Variants in PAN3 observed in about 807,000 individuals in gnomAD.
PAN3 encodes poly(A) specific ribonuclease subunit PAN3, also known as PAN2-PAN3 deadenylation complex subunit PAN3.
A neutral mutation model predicts 96.2 loss-of-function variants in PAN3; 19 were observed. The ratio of observed to expected loss-of-function variants is 0.20; its 90% CI spans 0.14 to 0.29. The LOEUF (loss-of-function observed/expected upper bound fraction) is 0.29, where lower values mean the gene tolerates loss of function less well. Among genes scored for constraint, PAN3 ranks in the 10% least tolerant of loss-of-function variants. The pLI is 1.00. For missense variants in PAN3, 882 were observed against 1,108.1 expected, an observed-to-expected ratio of 0.80 and a Z score of 2.90; for synonymous variants, 433 against 406.6, an observed-to-expected ratio of 1.06 and a Z score of -0.78.
At chr13:28,196,043 A>G (rs544058460) in intron 4 of PAN3, among the ~76,000 whole-genome samples, 1 of 147,080 alleles carries the variant, frequency 6.8e-6, no homozygotes, top group Admixed American at 6.8e-5. Context: ...TTTTTTTAAT[A>G]GAGACAGGGT....
At chr13:28,143,885 C>G (rs368680860) in intron 1 of PAN3, among the ~76,000 whole-genome samples, 4 of 152,268 alleles carry the variant, frequency 2.6e-5, no homozygotes, top group African/African-American at 9.6e-5. Context: ...TGTGGCAAAG[C>G]TGTTTTTGTT....
At position 28,266,822 on chromosome 13, in the gene PAN3, T is replaced by C; in HGVS notation, c.1519T>C (p.Tyr507His). ...TAATTTTGGATATATTACATCTTGC[T>C]ACAAAGCTGTAAACAGCAAAGATGA... ...SSNFGYITSCYKAVNSKDDLP... is the reference protein window; with the variant it reads ...SSNFGYITSCHKAVNSKDDLP... Residue 507 changes from tyrosine (Y) to histidine (H), a missense_variant, in exon 10 of 19, where the codon TAC becomes CAC. Coordinates refer to ENST00000380958, the MANE Select transcript of PAN3 (RefSeq NM_175854.8). The C allele has an allele frequency of 1.2e-6, 2 of 1,611,384 alleles. No homozygotes were observed. Among genetic ancestry groups the C allele is most frequent in the Non-Finnish European group, 1.7e-6 (2 of 1,178,868 alleles).
At chr13:28,250,887 A>G (rs1034434005) in intron 6 of PAN3, among the ~76,000 whole-genome samples, 3 of 152,032 alleles carry the variant, frequency 2.0e-5, no homozygotes, top group Admixed American at 6.5e-5. Flanking sequence ...TTTTTTTCGA[A>G]TGTTGCTTCT....
rs1378297134 is a variant in PAN3, at chr13:28,267,092, C to T, written c.1574-3C>T. 6.3e-7 allele frequency: 1 copy of T among 1,589,090 alleles called. No individual in the cohort carries two copies. On this transcript the variant is annotated splice_region_variant and splice_polypyrimidine_tract_variant and intron_variant, in intron 10 of 18. Coordinates refer to ENST00000380958, the MANE Select transcript of PAN3 (RefSeq NM_175854.8). The stretch of plus-strand genomic sequence containing the variant: ...TTACTGGAGTAGAAAAATTGTCTTC[C>T]AGGTTTTCGTCTTGTTAACACAAAG...
chr13:28,174,450 A>G, intron 2 of PAN3, 57 bp downstream of exon 2: 2 of 1,541,814 alleles, frequency 1.3e-6, no homozygotes, highest in African/African-American at 1.4e-5. Context: ...GCCAGAGGAC[A>G]TATAGAGTCT....
At chr13:28,267,933 T>G (rs192447420) in intron 12 of PAN3, among the ~76,000 whole-genome samples, 5 of 152,296 alleles carry the variant, frequency 3.3e-5, no homozygotes, top group Admixed American at 1.3e-4. Context: ...GAGATGATGG[T>G]CAAGAAGTTA....
rs779253957 is a variant in PAN3, at chr13:28,176,528, A to G, written c.588A>G (p.Leu196=). The change falls in exon 3 of 19, where the codon CTA becomes CTG. Residue 196 remains leucine (L), a synonymous_variant. Coordinates refer to ENST00000380958, the MANE Select transcript of PAN3 (RefSeq NM_175854.8). ...ATAGTAGCAGCTCCCCAAGCCTTCT[A>G]AATGACAGTGCCAAGCCATATTCAG... ...MTNSSSSPSL[L]NDSAKPYSAH... The G allele has an allele frequency of 3.7e-6, 6 of 1,614,026 alleles. No homozygotes were observed. The highest frequency in any genetic ancestry group is 4.5e-5 in the East Asian group (2 of 44,868).
In PAN3 at chr13:28,213,702, C is replaced by CAAAAAA. The variant is rs779035643; in HGVS notation, c.853-6516_853-6511dup. Among the ~76,000 whole-genome samples the CAAAAAA allele has an allele frequency of 5.1e-5, 4 of 78,344 alleles. 1 individual carries two copies. The highest frequency in any genetic ancestry group is 3.9e-5 in the African/African-American group (1 of 25,354). 51.4% of individuals were successfully genotyped at this position (78,344 alleles called of 152,430 possible). ...AAAAGAAATGTTTTTGAAAAAACAGCAAAAAAAAAAAAAAAAAAGGTTGGG... is the reference window on the plus strand; with the variant it reads ...AAAAGAAATGTTTTTGAAAAAACAGCAAAAAAAAAAAAAAAAAAAAAAAAGGTTGGG... On this transcript the variant is annotated intron_variant, in intron 5 of 18. Coordinates refer to ENST00000380958, the MANE Select transcript of PAN3 (RefSeq NM_175854.8).
chr13:28,149,011 TAAG>T (rs1404147180), intron 1 of PAN3, among the ~76,000 whole-genome samples: 2 of 152,108 alleles, frequency 1.3e-5, no homozygotes, highest in Admixed American at 6.6e-5. Context: ...GATATATACT[TAAG>T]GAGCATATAG....
intron 17 of PAN3, 38 bp downstream of exon 17, chr13:28,281,417 G>A (rs748196713): frequency 9.2e-6 from 14 of 1,527,538 alleles, no homozygotes; most frequent in Non-Finnish European, 1.2e-5. Flanking sequence ...ATTTTTAATC[G>A]AGAGCACTAT....
At chr13:28,186,779 T>C (rs898739762) in intron 4 of PAN3, among the ~76,000 whole-genome samples, 6 of 151,846 alleles carry the variant, frequency 4.0e-5, no homozygotes, top group African/African-American at 1.4e-4. Context: ...TGAGCTGTGA[T>C]CGGGCCACTG....
chr13:28,174,633 A>C (rs886434283), intron 2 of PAN3, among the ~76,000 whole-genome samples: 1 of 152,076 alleles, frequency 6.6e-6, no homozygotes, highest in Non-Finnish European at 1.5e-5. Flanking sequence ...GTAGTTAGAG[A>C]CTAATTTCAC....
At chr13:28,225,255 G>A (rs1213801603) in intron 6 of PAN3, among the ~76,000 whole-genome samples, 1 of 152,056 alleles carries the variant, frequency 6.6e-6, no homozygotes, top group Non-Finnish European at 1.5e-5. Flanking sequence ...AATATTTGTC[G>A]TTCTTGTTCA....
chr13:28,271,662 A>G (rs1416648802), intron 13 of PAN3, among the ~76,000 whole-genome samples: 1 of 152,206 alleles, frequency 6.6e-6, no homozygotes, highest in Non-Finnish European at 1.5e-5. Context: ...AAAGCTAACT[A>G]GTTCTCTTTT....
chr13:28,238,205 T>A (rs1236026223), intron 6 of PAN3, among the ~76,000 whole-genome samples: 1 of 152,226 alleles, frequency 6.6e-6, no homozygotes, highest in Non-Finnish European at 1.5e-5. Context: ...GCAGCACTTT[T>A]CTTAGCTGAG....
chr13:28,158,750 C>T (rs901089652), intron 1 of PAN3, among the ~76,000 whole-genome samples: 10 of 151,960 alleles, frequency 6.6e-5, no homozygotes, highest in East Asian at 5.8e-4. Context: ...TGGTGGTGGG[C>T]GCCTGTAGTC....
intron 4 of PAN3, among the ~76,000 whole-genome samples, chr13:28,194,206 A>C (rs1877685456): frequency 6.6e-6 from 1 of 151,672 alleles, no homozygotes; most frequent in East Asian, 1.9e-4. Context: ...TGAATTTGTG[A>C]AGGATCTGAA....
chr13:28,200,857 C>G (rs1878606324), intron 5 of PAN3, among the ~76,000 whole-genome samples: 1 of 152,188 alleles, frequency 6.6e-6, no homozygotes, highest in Admixed American at 6.5e-5. Flanking sequence ...CCACTCTTTT[C>G]TCTAAATTTC....
intron 1 of PAN3, among the ~76,000 whole-genome samples, chr13:28,141,491 G>A (rs1054937928): frequency 1.7e-5 from 2 of 118,534 alleles, no homozygotes; most frequent in Admixed American, 1.8e-4. Flanking sequence ...TTTTGAGACG[G>A]AGTTTCACTC....
Sources: allele counts gnomAD v4.1 joint callset (sites outside exome capture counted in the v4.1 genomes callset), GRCh38; gene constraint gnomAD v4.1.1; transcripts MANE v1.5; gene names NCBI Gene and HGNC (gene_info 2026-07-23, HGNC 2026-07-21).